The following MARCHF3 variants were observed in gnomAD, a reference collection of about 807,000 sequenced individuals.
The protein encoded by MARCHF3 is membrane associated ring-CH-type finger 3, also known as E3 ubiquitin-protein ligase MARCHF3.
Under a neutral mutation model 24.2 loss-of-function variants are expected in MARCHF3, and 13 were observed. The observed-to-expected ratio is 0.54, with a 90% CI of 0.35 to 0.85. The LOEUF (loss-of-function observed/expected upper bound fraction) is 0.85. Among genes scored for constraint, MARCHF3 ranks in the 40% least tolerant of loss-of-function variants. The pLI, the probability that MARCHF3 is intolerant of heterozygous loss-of-function variation, is 0.01. For synonymous variants in MARCHF3, 144 were observed against 137.3 expected, an observed-to-expected ratio of 1.05 and a Z score of -0.34; for missense variants, 276 against 325.0, an observed-to-expected ratio of 0.85 and a Z score of 1.16.
chr5:126,986,462 C>A (rs1313727596), intron 1 of MARCHF3, among the ~76,000 whole-genome samples: 1 of 152,052 alleles, frequency 6.6e-6, no homozygotes, highest in South Asian at 2.1e-4. Context: ...CTTTAAAAAT[C>A]GTAGTTTATT....
rs892391709 is a variant in MARCHF3 at position 126,911,866 on chromosome 5, A to G, written c.393+3064T>C. 7.2e-4 allele frequency among the ~76,000 whole-genome samples: 110 copies of G among 152,232 alleles called. 1 individual carries two copies. The highest frequency in any genetic ancestry group is 2.5e-3 in the African/African-American group (105 of 41,462). On this transcript the variant is annotated intron_variant, in intron 3 of 4. Coordinates refer to ENST00000308660, the MANE Select transcript of MARCHF3 (RefSeq NM_178450.5). ...ACTGAGGTCTAATTGTACGCCATAC[A>G]GTATATCCATTTTAAGTGTAGAATA...
chr5:126,984,790 A>G (rs73337260), intron 1 of MARCHF3, among the ~76,000 whole-genome samples: 2,468 of 152,330 alleles, frequency 0.016, 60 homozygotes, highest in African/African-American at 0.053. Context: ...ATAACAGGAA[A>G]TACTTGGAGG....
intron 3 of MARCHF3, among the ~76,000 whole-genome samples, chr5:126,893,529 G>T (rs1231401526): frequency 6.6e-6 from 1 of 151,938 alleles, no homozygotes; most frequent in East Asian, 1.9e-4. Context: ...CTTTATTTCT[G>T]CCTTCATTTC....
Position 126,917,210 on chromosome 5 carries a change from G to A in MARCHF3, c.188+774C>T, listed in dbSNP as rs540207188. 5.9e-5 allele frequency among the ~76,000 whole-genome samples: 9 copies of A among 152,294 alleles called. No individual in the cohort carries two copies. The South Asian group carries it at 1.9e-3, about 32-fold the overall frequency. On this transcript the variant is annotated intron_variant, in intron 2 of 4. Coordinates refer to ENST00000308660, the MANE Select transcript of MARCHF3 (RefSeq NM_178450.5). Reference sequence around the variant, plus strand: ...CACCTTTTAAATGCATAGGTTAGAAGTCCCACTTAACCATTCTGAGAAAAA... The same window carrying A: ...CACCTTTTAAATGCATAGGTTAGAAATCCCACTTAACCATTCTGAGAAAAA...
intron 3 of MARCHF3, among the ~76,000 whole-genome samples, chr5:126,882,415 G>A (rs1753373384): frequency 2.0e-5 from 3 of 152,166 alleles, no homozygotes; most frequent in African/African-American, 7.2e-5. Context: ...AAACCACGAT[G>A]AGGTCTAATT....
chr5:126,973,922 G>T lies in MARCHF3; in HGVS notation c.-56-55695C>A, dbSNP rs368008792. Among the ~76,000 whole-genome samples, 1,075 of 116,998 alleles carry T rather than the reference G, an allele frequency of 9.2e-3. 15 individuals carry two copies. The highest frequency in any genetic ancestry group is 0.03 in the East Asian group (120 of 4,048). 76.8% of individuals were successfully genotyped at this position (116,998 alleles called of 152,430 possible). A position where few individuals can be genotyped will look rare whatever the true frequency, so the allele number is the denominator to read the frequency against. ...TTTTTTTTTTTTGAGACGGAGTCTC[G>T]CTCTGTCGCCCAGGCCGGACTGCGG... On this transcript the variant is annotated intron_variant, in intron 1 of 4. Coordinates refer to ENST00000308660, the MANE Select transcript of MARCHF3 (RefSeq NM_178450.5).
chr5:126,969,611 G>C (rs1253448808), intron 1 of MARCHF3, among the ~76,000 whole-genome samples: 1 of 152,222 alleles, frequency 6.6e-6, no homozygotes, highest in Non-Finnish European at 1.5e-5. Flanking sequence ...GGATGGCATG[G>C]ATGGCTGCAC....
chr5:126,879,753 C>T (rs1753285845), intron 3 of MARCHF3, among the ~76,000 whole-genome samples: 1 of 152,198 alleles, frequency 6.6e-6, no homozygotes. Context: ...TCCCATCTCA[C>T]TGTTCCATGT....
At chr5:126,922,155 C>T (rs1418473242) in intron 1 of MARCHF3, among the ~76,000 whole-genome samples, 3 of 152,196 alleles carry the variant, frequency 2.0e-5, no homozygotes, top group Middle Eastern at 3.2e-3. Context: ...AGGCTCTGCT[C>T]ACCTCTGCAG....
chr5:126,887,471 G>T (rs1294471676), intron 3 of MARCHF3, among the ~76,000 whole-genome samples: 2 of 152,136 alleles, frequency 1.3e-5, no homozygotes, highest in East Asian at 3.8e-4. Flanking sequence ...AAGTGCTAAA[G>T]AATCATTTAC....
intron 1 of MARCHF3, among the ~76,000 whole-genome samples, chr5:126,969,963 T>C (rs920109481): frequency 6.6e-6 from 1 of 152,240 alleles, no homozygotes; most frequent in African/African-American, 2.4e-5. Flanking sequence ...GGGATGAATA[T>C]GATAATAATC....
In MARCHF3 at chr5:126,870,759, G is replaced by A. The variant is rs757683101; in HGVS notation, c.636C>T (p.Asn212=). The A allele has an allele frequency of 1.3e-5, 21 of 1,614,148 alleles. 1 individual carries two copies. Among genetic ancestry groups the A allele is most frequent in the East Asian group, 8.9e-5 (4 of 44,888 alleles). ...CCCTCTGATTGGTCCGACGCCACTCGTTGTACAATCGACAGTGGTACCTAA... is the reference window on the plus strand; with the variant it reads ...CCCTCTGATTGGTCCGACGCCACTCATTGTACAATCGACAGTGGTACCTAA... ...VSFRYHCRLY[N]EWRRTNQRVI... Residue 212 remains asparagine (N), a synonymous_variant, in exon 5 of 5, where the codon AAC becomes AAT. Transcript: ENST00000308660.
At chr5:127,008,936 A>G (rs1752398377) in intron 1 of MARCHF3, among the ~76,000 whole-genome samples, 1 of 146,150 alleles carries the variant, frequency 6.8e-6, no homozygotes, top group Non-Finnish European at 1.5e-5. Flanking sequence ...TTTATTTTTA[A>G]CCTTGCAGCT....
chr5:126,929,472 A>T (rs1749410059), intron 1 of MARCHF3, among the ~76,000 whole-genome samples: 1 of 152,164 alleles, frequency 6.6e-6, no homozygotes, highest in Non-Finnish European at 1.5e-5. Flanking sequence ...TTCATTTGGG[A>T]GCTATCCAAT....
intron 1 of MARCHF3, among the ~76,000 whole-genome samples, chr5:126,996,625 G>C (rs2126847314): frequency 6.6e-6 from 1 of 152,068 alleles, no homozygotes; most frequent in African/African-American, 2.4e-5. Flanking sequence ...TATGGATCTA[G>C]GATCTTTAAT....
At chr5:126,938,911 G>C (rs1448091429) in intron 1 of MARCHF3, among the ~76,000 whole-genome samples, 1 of 152,156 alleles carries the variant, frequency 6.6e-6, no homozygotes, top group African/African-American at 2.4e-5. Context: ...ACCATATAGT[G>C]ATTTCCTTTT....
chr5:126,984,267 A>G (rs915811779), intron 1 of MARCHF3, among the ~76,000 whole-genome samples: 30 of 152,196 alleles, frequency 2.0e-4, no homozygotes, highest in Non-Finnish European at 4.1e-4. Context: ...GAGATACTCT[A>G]TATTCAGAGA....
At chr5:127,022,636 C>A (rs907493711) in intron 1 of MARCHF3, among the ~76,000 whole-genome samples, 5 of 152,190 alleles carry the variant, frequency 3.3e-5, no homozygotes, top group Non-Finnish European at 7.4e-5. Context: ...TCTGGAACGT[C>A]CCTTGAGTCC....
intron 1 of MARCHF3, among the ~76,000 whole-genome samples, chr5:126,963,122 C>T (rs982935672): frequency 1.3e-5 from 2 of 152,110 alleles, no homozygotes; most frequent in Non-Finnish European, 2.9e-5. Flanking sequence ...TAGTATGCAG[C>T]ACTGAGTAGC....
Sources: allele counts gnomAD v4.1 joint callset (sites outside exome capture counted in the v4.1 genomes callset), GRCh38; gene constraint gnomAD v4.1.1; transcripts MANE v1.5; gene names NCBI Gene and HGNC (gene_info 2026-07-23, HGNC 2026-07-21).